Variants in USH2A observed in about 807,000 individuals in gnomAD.
The protein encoded by USH2A is usherin.
USH2A carries 443 observed loss-of-function variants against 538.9 expected under a neutral mutation model. The ratio of observed to expected loss-of-function variants is 0.82; its 90% CI spans 0.76 to 0.89. The LOEUF (loss-of-function observed/expected upper bound fraction) is 0.89, where lower values mean the gene tolerates loss of function less well. Among genes scored for constraint, USH2A ranks in the 40% least tolerant of loss-of-function variants. The pLI, the probability that USH2A is intolerant of heterozygous loss-of-function variation, is 0.00. For synonymous variants in USH2A, 2,413 were observed against 2,273.5 expected, an observed-to-expected ratio of 1.06 and a Z score of -1.75; for missense variants, 6,633 against 6,324.8, an observed-to-expected ratio of 1.05 and a Z score of -1.65.
intron 55 of USH2A, among the ~76,000 whole-genome samples, chr1:215,769,741 G>T (rs983990455): frequency 2.0e-5 from 3 of 152,282 alleles, no homozygotes; most frequent in Admixed American, 2.0e-4. Context: ...GGCAGACTCA[G>T]CACTGAGCAG....
At chr1:215,986,542 C>T (rs1225971973) in intron 35 of USH2A, among the ~76,000 whole-genome samples, 1 of 152,080 alleles carries the variant, frequency 6.6e-6, no homozygotes, top group Non-Finnish European at 1.5e-5. Flanking sequence ...AGAGCACAAA[C>T]AAGACAAGTC....
intron 21 of USH2A, among the ~76,000 whole-genome samples, chr1:216,130,773 A>C (rs2033359442): frequency 6.6e-6 from 1 of 151,266 alleles, no homozygotes; most frequent in African/African-American, 2.4e-5. Context: ...CGCTATAAAC[A>C]TGTGTGTGCA....
chr1:216,379,007 T>C (rs1346361172), intron 3 of USH2A, among the ~76,000 whole-genome samples: 1 of 152,188 alleles, frequency 6.6e-6, no homozygotes, highest in Non-Finnish European at 1.5e-5. Flanking sequence ...TTTTTAGCCA[T>C]GGGGACTCCA....
rs144721142 is a variant in USH2A at position 216,048,478 on chromosome 1, C to T, written c.6163+56G>A. On this transcript the variant is annotated intron_variant, in intron 31 of 71. Coordinates refer to ENST00000307340, the MANE Select transcript of USH2A (RefSeq NM_206933.4). Reference sequence around the variant, plus strand: ...GGCCTTGTAGCATTTAGCTCTTCTCCTATTTTATTATTCATGACTGAAATG... The same window carrying T: ...GGCCTTGTAGCATTTAGCTCTTCTCTTATTTTATTATTCATGACTGAAATG... The T allele has an allele frequency of 3.0e-4, 463 of 1,540,102 alleles. 1 individual carries two copies. The African/African-American group carries it at 5.2e-3, about 17-fold the overall frequency.
intron 32 of USH2A, among the ~76,000 whole-genome samples, chr1:216,017,092 G>T (rs1333354608): frequency 6.6e-6 from 1 of 151,958 alleles, no homozygotes; most frequent in African/African-American, 2.4e-5. Flanking sequence ...TTGAACCCAG[G>T]ATTTTTTTCT....
intron 41 of USH2A, among the ~76,000 whole-genome samples, chr1:215,881,729 G>C (rs1664914458): frequency 6.6e-6 from 1 of 152,118 alleles, no homozygotes. Context: ...TAGAATTATA[G>C]TTTTGCACTG....
intron 64 of USH2A, among the ~76,000 whole-genome samples, chr1:215,651,625 T>C (rs566396473): frequency 6.6e-6 from 1 of 152,090 alleles, no homozygotes; most frequent in South Asian, 2.1e-4. Flanking sequence ...GAAAAACTTG[T>C]TTGATTCTAC....
At chr1:216,234,231 CCCTAGAT>C (rs1274043670) in intron 13 of USH2A, among the ~76,000 whole-genome samples, 2 of 151,942 alleles carry the variant, frequency 1.3e-5, no homozygotes, top group African/African-American at 2.4e-5. Flanking sequence ...TTTTTCCTTC[CCCTAGAT>C]CCTATACATT....
At chr1:215,961,601 G>A (rs494350) in intron 37 of USH2A, among the ~76,000 whole-genome samples, 38,149 of 150,932 alleles carry the variant, frequency 0.25, 5,130 homozygotes, top group Non-Finnish European at 0.3. Context: ...AAATAATGAA[G>A]AGGACTAGAT....
chr1:216,005,546 C>T (rs988160191), intron 32 of USH2A, among the ~76,000 whole-genome samples: 2 of 152,048 alleles, frequency 1.3e-5, no homozygotes, highest in African/African-American at 4.8e-5. Context: ...GAAGGATATC[C>T]CCATGCCCTC....
intron 14 of USH2A, among the ~76,000 whole-genome samples, chr1:216,227,154 T>C (rs934603375): frequency 6.6e-6 from 1 of 152,236 alleles, no homozygotes; most frequent in Non-Finnish European, 1.5e-5. Context: ...TGTCTTTGAT[T>C]TGGATGAGAA....
chr1:215,710,286 C>T (rs1205241686), intron 61 of USH2A, among the ~76,000 whole-genome samples: 1 of 152,106 alleles, frequency 6.6e-6, no homozygotes, highest in Non-Finnish European at 1.5e-5. Flanking sequence ...GAGGGCTGCC[C>T]AATTCAAACC....
At chr1:215,702,153 C>G (rs986618511) in intron 61 of USH2A, among the ~76,000 whole-genome samples, 8 of 152,164 alleles carry the variant, frequency 5.3e-5, no homozygotes, top group African/African-American at 1.9e-4. Flanking sequence ...GGCCCCCACT[C>G]TCTTCTGGTT....
intron 61 of USH2A, among the ~76,000 whole-genome samples, chr1:215,698,616 G>A (rs1658895941): frequency 6.6e-6 from 1 of 152,188 alleles, no homozygotes; most frequent in Non-Finnish European, 1.5e-5. Flanking sequence ...CTGCATAAAT[G>A]TCTTCTTTTG....
chr1:216,045,624 C>T (rs1012669448), intron 32 of USH2A, among the ~76,000 whole-genome samples: 3 of 152,188 alleles, frequency 2.0e-5, no homozygotes, highest in Non-Finnish European at 4.4e-5. Flanking sequence ...ATTGATCCAA[C>T]TGGACACTGT....
At chr1:216,233,885 T>C (rs994476362) in intron 13 of USH2A, among the ~76,000 whole-genome samples, 18 of 152,082 alleles carry the variant, frequency 1.2e-4, no homozygotes, top group African/African-American at 4.1e-4. Flanking sequence ...TGTGTACATA[T>C]ACATATACAC....
chr1:216,313,566 AG>A (rs1228065618), intron 9 of USH2A, among the ~76,000 whole-genome samples: 18 of 152,158 alleles, frequency 1.2e-4, no homozygotes, highest in Non-Finnish European at 7.3e-5. Flanking sequence ...TATTTAACGC[AG>A]TAAATTTTCC....
chr1:215,845,534 A>G (rs1558124606), intron 45 of USH2A, among the ~76,000 whole-genome samples: 1 of 152,148 alleles, frequency 6.6e-6, no homozygotes, highest in African/African-American at 2.4e-5. Flanking sequence ...AAAAGTTTCT[A>G]AATGTCACCA....
At chr1:215,632,816 A>T (rs1181618732) in intron 70 of USH2A, among the ~76,000 whole-genome samples, 1 of 152,128 alleles carries the variant, frequency 6.6e-6, no homozygotes, top group Admixed American at 6.5e-5. Flanking sequence ...ACAAGGAAAA[A>T]TTTTGAAATA....
Sources: gnomAD v4.1 joint callset for allele counts (sites outside exome capture counted in the v4.1 genomes callset) on GRCh38, gnomAD v4.1.1 for gene constraint, MANE v1.5 for transcripts, NCBI Gene and HGNC (gene_info 2026-07-23, HGNC 2026-07-21) for gene names.